The following FOXN3 variants were observed in gnomAD, a reference collection of about 807,000 sequenced individuals.
The protein encoded by FOXN3 is forkhead box N3.
FOXN3 carries 7 observed loss-of-function variants against 38.4 expected under a neutral mutation model. The ratio of observed to expected loss-of-function variants is 0.18; its 90% CI spans 0.10 to 0.34. The LOEUF (loss-of-function observed/expected upper bound fraction) is 0.34. FOXN3 is among the 10% of genes least tolerant of loss of function. FOXN3 has a pLI of 1.00. For missense variants in FOXN3, 456 were observed against 613.4 expected, an observed-to-expected ratio of 0.74 and a Z score of 2.71; for synonymous variants, 230 against 242.2, an observed-to-expected ratio of 0.95 and a Z score of 0.47.
chr14:89,221,746 T>C (rs1884470267), intron 4 of FOXN3, among the ~76,000 whole-genome samples: 1 of 152,152 alleles, frequency 6.6e-6, no homozygotes, highest in Non-Finnish European at 1.5e-5. Context: ...GCATCACCTC[T>C]TAAAATATCA....
intron 1 of FOXN3, among the ~76,000 whole-genome samples, chr14:89,565,668 T>TG (rs1362430136): frequency 2.0e-5 from 3 of 151,850 alleles, no homozygotes; most frequent in African/African-American, 7.3e-5. Context: ...AAAGGGGAGA[T>TG]GAAAAAAAGG....
intron 1 of FOXN3, among the ~76,000 whole-genome samples, chr14:89,527,692 T>C (rs186707769): frequency 1.4e-4 from 20 of 146,646 alleles, no homozygotes; most frequent in African/African-American, 5.2e-4. Context: ...TACATTCCTA[T>C]TACAATGGCT....
intron 1 of FOXN3, among the ~76,000 whole-genome samples, chr14:89,501,083 GAC>G (rs558632896): frequency 1.3e-5 from 2 of 152,308 alleles, no homozygotes; most frequent in South Asian, 4.1e-4. Context: ...TGGAGGATGG[GAC>G]ACAGATATCT....
chr14:89,437,446 G>C (rs1202651365), intron 1 of FOXN3, among the ~76,000 whole-genome samples: 1 of 152,108 alleles, frequency 6.6e-6, no homozygotes, highest in African/African-American at 2.4e-5. Context: ...CCAAGATCAG[G>C]TGCTGATGGA....
intron 1 of FOXN3, among the ~76,000 whole-genome samples, chr14:89,554,812 G>A (rs531794546): frequency 3.5e-5 from 4 of 113,992 alleles, no homozygotes; most frequent in South Asian, 5.3e-4. Context: ...TTTTTGAGAC[G>A]GAGTTTTGTT....
At chr14:89,583,392 T>C (rs1596324638) in intron 1 of FOXN3, among the ~76,000 whole-genome samples, 1 of 152,316 alleles carries the variant, frequency 6.6e-6, no homozygotes, top group South Asian at 2.1e-4. Flanking sequence ...TCTCTCCTGC[T>C]CTTTTGCCGT....
intron 4 of FOXN3, among the ~76,000 whole-genome samples, chr14:89,246,886 G>A (rs1218617505): frequency 1.3e-5 from 2 of 152,132 alleles, no homozygotes; most frequent in Non-Finnish European, 2.9e-5. Flanking sequence ...AAGACGGTTA[G>A]AAAAGTTCAG....
chr14:89,487,914 TAAC>T (rs1380109268), intron 1 of FOXN3, among the ~76,000 whole-genome samples: 4 of 152,024 alleles, frequency 2.6e-5, no homozygotes, highest in Non-Finnish European at 4.4e-5. Flanking sequence ...GACAGAATTT[TAAC>T]AACAACAAAA....
At chr14:89,383,606 C>T (rs936427617) in intron 2 of FOXN3, among the ~76,000 whole-genome samples, 4 of 152,186 alleles carry the variant, frequency 2.6e-5, no homozygotes, top group Non-Finnish European at 5.9e-5. Context: ...GATCTTGGCA[C>T]TCCCTGGCTC....
chr14:89,427,057 C>T (rs1384473662), intron 1 of FOXN3, among the ~76,000 whole-genome samples: 1 of 151,250 alleles, frequency 6.6e-6, no homozygotes, highest in Non-Finnish European at 1.5e-5. Flanking sequence ...CATGGTGAAA[C>T]TCTGTTACTA....
chr14:89,373,847 G>T (rs1890394121), intron 2 of FOXN3, among the ~76,000 whole-genome samples: 1 of 152,102 alleles, frequency 6.6e-6, no homozygotes, highest in South Asian at 2.1e-4. Flanking sequence ...TAAGTCAAAG[G>T]TAAGTAATAC....
At chr14:89,191,817 G>T (rs1326751195) in intron 4 of FOXN3, among the ~76,000 whole-genome samples, 1 of 150,256 alleles carries the variant, frequency 6.7e-6, no homozygotes, top group African/African-American at 2.4e-5. Flanking sequence ...CAGGAGGCCT[G>T]TTACTTACAT....
At chr14:89,257,097 T>C (rs569067836) in intron 4 of FOXN3, among the ~76,000 whole-genome samples, 2 of 152,322 alleles carry the variant, frequency 1.3e-5, no homozygotes, top group East Asian at 3.9e-4. Flanking sequence ...TCCTGCAGGT[T>C]GCGGTGAGAG....
intron 5 of FOXN3, among the ~76,000 whole-genome samples, chr14:89,172,104 A>G (rs761588623): frequency 3.3e-5 from 5 of 152,260 alleles, no homozygotes; most frequent in African/African-American, 9.6e-5. Flanking sequence ...AATTTATAAC[A>G]GCATGAAAAA....
Position 89,447,814 on chromosome 14 carries a change from C to CTTTTTTTTT in FOXN3, c.-14-35333_-14-35325dup, listed in dbSNP as rs3057950. On this transcript the variant is annotated intron_variant, in intron 1 of 6. Coordinates refer to the FOXN3 transcript ENST00000345097. ...CAGTGGTTTCCTGATGCCTTTCTTC[C>CTTTTTTTTT]TTTTTTTTTTTTTTTTTTTTTTGAG... 1.8e-3 allele frequency among the ~76,000 whole-genome samples: 166 copies of CTTTTTTTTT among 92,782 alleles called. 11 individuals are homozygous for CTTTTTTTTT. Among genetic ancestry groups the CTTTTTTTTT allele is most frequent in the African/African-American group, 6.4e-3 (154 of 23,966 alleles). 60.9% of individuals were successfully genotyped at this position (92,782 alleles called of 152,430 possible).
At chr14:89,433,260 G>A (rs1392762143) in intron 1 of FOXN3, among the ~76,000 whole-genome samples, 2 of 152,170 alleles carry the variant, frequency 1.3e-5, no homozygotes, top group African/African-American at 4.8e-5. Context: ...AAGGTGGGCA[G>A]ATCACAACGT....
chr14:89,588,476 A>C (rs1895889931), intron 1 of FOXN3, among the ~76,000 whole-genome samples: 1 of 152,178 alleles, frequency 6.6e-6, no homozygotes, highest in Non-Finnish European at 1.5e-5. Context: ...CAACTTAACA[A>C]CCATCAACAC....
At chr14:89,349,167 C>T (rs750152855) in intron 3 of FOXN3, among the ~76,000 whole-genome samples, 6 of 152,144 alleles carry the variant, frequency 3.9e-5, no homozygotes, top group Non-Finnish European at 7.3e-5. Flanking sequence ...CCTTGTACAT[C>T]GGCAATTCTC....
chr14:89,567,049 A>T (rs1206206182), intron 1 of FOXN3, among the ~76,000 whole-genome samples: 1 of 152,198 alleles, frequency 6.6e-6, no homozygotes, highest in Non-Finnish European at 1.5e-5. Flanking sequence ...CAAGGCTACA[A>T]GTATATGGCT....
Sources: allele counts gnomAD v4.1 joint callset (sites outside exome capture counted in the v4.1 genomes callset), GRCh38; gene constraint gnomAD v4.1.1; transcripts MANE v1.5; gene names NCBI Gene and HGNC (gene_info 2026-07-23, HGNC 2026-07-21).